The following TRPM1 variants were observed in gnomAD, a reference collection of about 807,000 sequenced individuals.
The protein encoded by TRPM1 is transient receptor potential cation channel subfamily M member 1.
TRPM1 carries 113 observed loss-of-function variants against 149.4 expected under a neutral mutation model. That is an observed-to-expected ratio of 0.76 (90% confidence interval 0.65 to 0.88). TRPM1 has a LOEUF of 0.88. TRPM1 is among the 40% of genes least tolerant of loss of function. TRPM1 has a pLI of 0.00. For synonymous variants in TRPM1, 741 were observed against 759.5 expected (o/e 0.98, Z 0.40); for missense variants, 1,976 against 2,038.7 (o/e 0.97, Z 0.59).
At chr15:31,089,270 A>G (rs1371012141) in intron 1 of TRPM1, among the ~76,000 whole-genome samples, 3 of 149,670 alleles carry the variant, frequency 2.0e-5, no homozygotes, top group Non-Finnish European at 2.9e-5. Context: ...AGGGTTGGCA[A>G]TGGTGGGCCA....
intron 1 of TRPM1, among the ~76,000 whole-genome samples, chr15:31,132,249 C>G (rs1235197707): frequency 1.3e-5 from 2 of 152,216 alleles, no homozygotes; most frequent in Non-Finnish European, 2.9e-5. Context: ...CTCTTTCTTG[C>G]ACCTCCCGAC....
intron 27 of TRPM1, among the ~76,000 whole-genome samples, chr15:31,014,868 T>C (rs1297271584): frequency 6.6e-6 from 1 of 152,108 alleles, no homozygotes; most frequent in African/African-American, 2.4e-5. Flanking sequence ...CCGTTTTCTA[T>C]CCTCCAACCA....
intron 21 of TRPM1, 131 bp from the exon 22 acceptor site, chr15:31,033,071 ACT>A (rs1199103269): frequency 2.0e-5 from 25 of 1,244,384 alleles, no homozygotes; most frequent in Admixed American, 3.5e-5. Context: ...ACGTTTAAAC[ACT>A]CTTCTTCTCA....
chr15:31,131,098 C>T (rs1003103956), intron 1 of TRPM1, among the ~76,000 whole-genome samples: 8 of 152,164 alleles, frequency 5.3e-5, no homozygotes, highest in South Asian at 2.1e-4. Context: ...ACTCCAGAAA[C>T]GGACAATTCA....
intron 20 of TRPM1, 119 bp downstream of exon 20, chr15:31,037,592 T>C: frequency 7.2e-7 from 1 of 1,391,714 alleles, no homozygotes; most frequent in Non-Finnish European, 1.0e-6. Flanking sequence ...GTTCTCATAA[T>C]TCATTTTAAT....
Position 31,060,709 on chromosome 15 carries a change from G to T in TRPM1, c.1163-65C>A, listed in dbSNP as rs575773070. The T allele has an allele frequency of 2.2e-4, 293 of 1,339,678 alleles. 1 individual carries two copies. The Admixed American group carries it at 5.3e-3, about 24-fold the overall frequency. 83.0% of individuals were successfully genotyped at this position (1,339,678 alleles called of 1,614,324 possible). ...CCTGGACCGCCAGGGTTTGGCAGGT[G>T]CTGGGTGGTGAGCACAGGCTTCCCT... On this transcript the variant is annotated intron_variant, in intron 10 of 27. Transcript: ENST00000256552.
chr15:31,128,347 G>T (rs946883009), intron 1 of TRPM1, among the ~76,000 whole-genome samples: 2 of 152,280 alleles, frequency 1.3e-5, no homozygotes, highest in Admixed American at 1.3e-4. Flanking sequence ...ACATTTTCTA[G>T]CCTGCCCGTC....
chr15:31,026,985 G>A lies in TRPM1; in HGVS notation c.3426C>T (p.Ile1142=), dbSNP rs747699035. ...TGCAGCGGCCGCTGAGACGCATAATGATGATGTAGATGTGGCTTAAAATGA... is the reference window on the plus strand; with the variant it reads ...TGCAGCGGCCGCTGAGACGCATAATAATGATGTAGATGTGGCTTAAAATGA... ...PMIILSHIYI[I]IMRLSGRCRK... is the part of the protein sequence containing the mutation. The change falls in exon 26 of 28, where the codon ATC becomes ATT. Residue 1142 remains isoleucine (I), a synonymous_variant. Transcript: ENST00000256552. The A allele has an allele frequency of 1.9e-6, 3 of 1,614,162 alleles. No individual in the cohort carries two copies. The highest frequency in any genetic ancestry group is 1.6e-4 in the Middle Eastern group (1 of 6,062).
At position 31,031,103 on chromosome 15, in the gene TRPM1, C is replaced by T. The variant is rs769138762; in HGVS notation, c.3007G>A (p.Gly1003Arg). 39 of 1,614,010 alleles carry T rather than the reference C, an allele frequency of 2.4e-5. No homozygotes were observed. Among genetic ancestry groups the T allele is most frequent in the South Asian group, 5.5e-5 (5 of 91,078 alleles). ...VIMLVVLMSF[G>R]VARQAILHPE... ...TGCAGAATGGCTTGACGGGCTACTC[C>T]GAAACTCATGAGCACGACCAGCATG... The change falls in exon 23 of 28, where the codon GGA becomes AGA. Residue 1003 changes from glycine to arginine, a missense_variant. This residue lies in a region of TRPM1 where 1,332 missense variants were observed against 1,347.1 expected (regional missense o/e 0.99). Transcript: ENST00000256552.
At chr15:31,051,989 A>G (rs999884847) in intron 11 of TRPM1, among the ~76,000 whole-genome samples, 1 of 152,010 alleles carries the variant, frequency 6.6e-6, no homozygotes, top group East Asian at 1.9e-4. Context: ...ATCTACCCCT[A>G]TGTGCAGCCA....
At chr15:31,021,392 A>G (rs578251598) in intron 27 of TRPM1, among the ~76,000 whole-genome samples, 2 of 152,298 alleles carry the variant, frequency 1.3e-5, no homozygotes, top group Non-Finnish European at 2.9e-5. Context: ...CTGATTTCCC[A>G]TCAAGCCTGC....
In TRPM1 at chr15:31,005,964, T is replaced by C. The variant is rs2031973401; in HGVS notation, c.3630-2894A>G. ...TGAATGGCATAAAAACACAAGAGAA[T>C]CCATCATGCATGATAGAGCTCATAG... On this transcript the variant is annotated intron_variant, in intron 27 of 27. Coordinates refer to ENST00000256552, the MANE Select transcript of TRPM1 (RefSeq NM_001252024.2). Among the ~76,000 whole-genome samples the C allele has an allele frequency of 2.0e-5, 3 of 152,270 alleles. No individual in the cohort carries two copies. In the South Asian group the frequency reaches 6.2e-4, roughly 32 times the overall value.
At chr15:31,021,049 G>C (rs17815726) in intron 27 of TRPM1, among the ~76,000 whole-genome samples, 25,891 of 152,036 alleles carry the variant, frequency 0.17, 2,777 homozygotes, top group Non-Finnish European at 0.24. Flanking sequence ...GTCAGATCAG[G>C]AACAAGGGTG....
intron 27 of TRPM1, among the ~76,000 whole-genome samples, chr15:31,014,155 C>T (rs36042462): frequency 0.058 from 8,779 of 152,264 alleles, 377 homozygotes; most frequent in Admixed American, 0.13. Flanking sequence ...TTATGGACAT[C>T]AGTTTTTCTC....
rs914226489 is a variant in TRPM1 at position 31,002,811 on chromosome 15, A to G, written c.3889T>C (p.Tyr1297His). 2 of 1,614,100 alleles carry G rather than the reference A, an allele frequency of 1.2e-6. No individual in the cohort carries two copies. Among genetic ancestry groups the G allele is most frequent in the African/African-American group, 1.3e-5 (1 of 74,932 alleles). The change falls in exon 28 of 28, where the codon TAT becomes CAT. Residue 1297 changes from tyrosine to histidine, a missense_variant. Tyr to His is a moderately conservative substitution (Grantham distance 83). Transcript: ENST00000256552. ...NSADGYSLYR[Y>H]HFNGEELLFE... ...AATAACTCTTCTCCGTTAAAATGAT[A>G]TCGATACAAGCTGTAGCCATCAGCG...
chr15:31,032,610 A>T (rs2033141084), intron 22 of TRPM1, 79 bp downstream of exon 22: 2 of 1,560,108 alleles, frequency 1.3e-6, no homozygotes, highest in Non-Finnish European at 1.8e-6. Flanking sequence ...AAATTGAAGG[A>T]AGCCATGCCC....
At chr15:31,021,729 A>G (rs936363402) in intron 27 of TRPM1, among the ~76,000 whole-genome samples, 4 of 151,524 alleles carry the variant, frequency 2.6e-5, no homozygotes, top group African/African-American at 7.3e-5. Flanking sequence ...AAGACAAAAC[A>G]CTTTAATCCA....
intron 1 of TRPM1, among the ~76,000 whole-genome samples, chr15:31,113,851 GCTCCCACA>G (rs914024368): frequency 2.0e-5 from 3 of 152,002 alleles, no homozygotes; most frequent in Non-Finnish European, 4.4e-5. Flanking sequence ...AAACAACGAC[GCTCCCACA>G]CGCTGGAAGG....
intron 1 of TRPM1, among the ~76,000 whole-genome samples, chr15:31,118,182 C>G (rs1171194037): frequency 1.3e-5 from 2 of 152,138 alleles, no homozygotes; most frequent in Non-Finnish European, 2.9e-5. Flanking sequence ...CCCTTGAACC[C>G]AGGAGGCAGA....
Sources: allele counts gnomAD v4.1 joint callset (sites outside exome capture counted in the v4.1 genomes callset), GRCh38; gene constraint gnomAD v4.1.1; regional missense constraint gnomAD v4.1.1; transcripts MANE v1.5; gene names NCBI Gene and HGNC (gene_info 2026-07-23, HGNC 2026-07-21).